SNTG1: variants seen among roughly 807,000 people sequenced by gnomAD.
The protein encoded by SNTG1 is syntrophin gamma 1, also known as gamma-1-syntrophin.
Under a neutral mutation model 74.7 loss-of-function variants are expected in SNTG1, and 39 were observed. The ratio of observed to expected loss-of-function variants is 0.52; its 90% CI spans 0.40 to 0.68. The LOEUF (loss-of-function observed/expected upper bound fraction) is 0.68. SNTG1 is among the 30% of genes least tolerant of loss of function. The probability of loss-of-function intolerance (pLI) is 0.00; values close to 1 mark genes in which losing one functional copy is unlikely to be tolerated. For synonymous variants in SNTG1, 254 were observed against 217.1 expected, an observed-to-expected ratio of 1.17 and a Z score of -1.49; for missense variants, 685 against 609.5, an observed-to-expected ratio of 1.12 and a Z score of -1.30.
chr8:50,121,955 T>C (rs1326745081), intron 1 of SNTG1, among the ~76,000 whole-genome samples: 1 of 142,360 alleles, frequency 7.0e-6, no homozygotes, highest in Non-Finnish European at 1.6e-5. Context: ...AAATTTTTAG[T>C]AATAGTGCAT....
intron 2 of SNTG1, among the ~76,000 whole-genome samples, chr8:50,223,593 A>T (rs2085176056): frequency 6.6e-6 from 1 of 152,138 alleles, no homozygotes; most frequent in Non-Finnish European, 1.5e-5. Context: ...CGACCATCTC[A>T]TTAAATGCAA....
At chr8:49,987,651 T>TC (rs1478530424) in intron 1 of SNTG1, among the ~76,000 whole-genome samples, 3 of 148,056 alleles carry the variant, frequency 2.0e-5, no homozygotes, top group Non-Finnish European at 4.5e-5. Flanking sequence ...AAATTAACCT[T>TC]TTTTTTTTTT....
At chr8:50,379,324 A>AG (rs905396988) in intron 2 of SNTG1, among the ~76,000 whole-genome samples, 17 of 152,204 alleles carry the variant, frequency 1.1e-4, no homozygotes, top group South Asian at 6.2e-4. Context: ...CTATGAAAGC[A>AG]GGGGGGGCCT....
intron 2 of SNTG1, among the ~76,000 whole-genome samples, chr8:50,285,244 TCCTGTATCTG>T (rs754449941): frequency 6.6e-6 from 1 of 152,154 alleles, no homozygotes; most frequent in Non-Finnish European, 1.5e-5. Context: ...CAGCAGCCAA[TCCTGTATCTG>T]CCCATATCCA....
At chr8:50,228,160 T>C (rs1394801247) in intron 2 of SNTG1, among the ~76,000 whole-genome samples, 1 of 151,674 alleles carries the variant, frequency 6.6e-6, no homozygotes, top group African/African-American at 2.4e-5. Flanking sequence ...ATCAAGAACA[T>C]TGTAAGAGAA....
At chr8:50,691,553 C>A (rs2095379522) in intron 15 of SNTG1, among the ~76,000 whole-genome samples, 1 of 152,160 alleles carries the variant, frequency 6.6e-6, no homozygotes, top group African/African-American at 2.4e-5. Flanking sequence ...AAATTCTTTT[C>A]TTTAAGAATG....
At chr8:50,708,018 T>C in intron 16 of SNTG1, 1 of 310,640 alleles carries the variant, frequency 3.2e-6, no homozygotes, top group Non-Finnish European at 5.9e-6. Context: ...CCAGCCAAGA[T>C]GGTGAAACCC....
At chr8:50,421,056 G>GGGGC (rs1563363009) in intron 4 of SNTG1, among the ~76,000 whole-genome samples, 6 of 116,882 alleles carry the variant, frequency 5.1e-5, no homozygotes, top group African/African-American at 1.8e-4. Flanking sequence ...CGGGGGAGGG[G>GGGGC]GGGGCGAAGA....
At chr8:50,321,826 A>T (rs897164745) in intron 2 of SNTG1, among the ~76,000 whole-genome samples, 22 of 152,124 alleles carry the variant, frequency 1.4e-4, no homozygotes, top group African/African-American at 4.6e-4. Context: ...TGTACACTTT[A>T]ACTTTGTTCC....
chr8:50,646,352 G>A (rs2131204501), intron 13 of SNTG1, among the ~76,000 whole-genome samples: 1 of 152,228 alleles, frequency 6.6e-6, no homozygotes, highest in African/African-American at 2.4e-5. Context: ...GAATTCAGTA[G>A]GTCTGGGTTA....
At chr8:50,268,314 T>A (rs972930015) in intron 2 of SNTG1, among the ~76,000 whole-genome samples, 1 of 152,188 alleles carries the variant, frequency 6.6e-6, no homozygotes, top group Admixed American at 6.5e-5. Flanking sequence ...TAATGGAAGA[T>A]TCAGCACAGT....
intron 2 of SNTG1, among the ~76,000 whole-genome samples, chr8:50,208,392 T>G (rs901897651): frequency 3.3e-5 from 5 of 152,222 alleles, no homozygotes; most frequent in African/African-American, 1.2e-4. Flanking sequence ...CCCTTGCTTT[T>G]TTTTGTTTTC....
intron 18 of SNTG1, among the ~76,000 whole-genome samples, chr8:50,758,096 GTTTCTC>G (rs1490775597): frequency 6.6e-6 from 1 of 151,556 alleles, no homozygotes; most frequent in East Asian, 2.0e-4. Context: ...CATTTCATTT[GTTTCTC>G]TTTTTTAGAA....
At chr8:50,325,017 C>G (rs1369398453) in intron 2 of SNTG1, among the ~76,000 whole-genome samples, 3 of 145,496 alleles carry the variant, frequency 2.1e-5, no homozygotes, top group Non-Finnish European at 4.5e-5. Context: ...CACACACACA[C>G]AGACACAGAT....
At chr8:50,715,196 C>CG (rs1425583785) in intron 17 of SNTG1, among the ~76,000 whole-genome samples, 1 of 152,082 alleles carries the variant, frequency 6.6e-6, no homozygotes, top group Admixed American at 6.6e-5. Context: ...CAGGGCTGCA[C>CG]GGGATGTCAC....
At chr8:50,730,244 C>T (rs902882099) in intron 17 of SNTG1, among the ~76,000 whole-genome samples, 3 of 152,048 alleles carry the variant, frequency 2.0e-5, no homozygotes, top group Non-Finnish European at 4.4e-5. Flanking sequence ...GCTTAGTTTT[C>T]TCTGCTAAGT....
At chr8:50,522,577 CTT>C (rs34011488) in intron 9 of SNTG1, among the ~76,000 whole-genome samples, 26,683 of 126,540 alleles carry the variant, frequency 0.21, 2,793 homozygotes, top group African/African-American at 0.36. Context: ...GACTTCCTTC[CTT>C]TTTTTTTTTT....
At chr8:50,224,326 T>A (rs545129859) in intron 2 of SNTG1, among the ~76,000 whole-genome samples, 1 of 152,250 alleles carries the variant, frequency 6.6e-6, no homozygotes, top group African/African-American at 2.4e-5. Context: ...TTAGACCTAA[T>A]CAGGGGACAT....
chr8:50,785,657 C>T (rs565726676), intron 18 of SNTG1, among the ~76,000 whole-genome samples: 2 of 152,126 alleles, frequency 1.3e-5, no homozygotes, highest in Non-Finnish European at 2.9e-5. Context: ...GGAAACACTC[C>T]TCTACTTATT....
Sources: gnomAD v4.1 joint callset for allele counts (sites outside exome capture counted in the v4.1 genomes callset) on GRCh38, gnomAD v4.1.1 for gene constraint, MANE v1.5 for transcripts, NCBI Gene and HGNC (gene_info 2026-07-23, HGNC 2026-07-21) for gene names.